The following AOPEP variants were observed in gnomAD, a reference collection of about 807,000 sequenced individuals.
The protein encoded by AOPEP is aminopeptidase O.
A neutral mutation model predicts 98.1 loss-of-function variants in AOPEP; 77 were observed. That is an observed-to-expected ratio of 0.78 (90% CI 0.65 to 0.95). The LOEUF (loss-of-function observed/expected upper bound fraction) is 0.95. Ranked by LOEUF, AOPEP falls within the 40% of genes least tolerant of loss-of-function variation. The pLI is 0.00. For missense variants in AOPEP, 1,024 were observed against 1,024.7 expected (o/e 1.00, Z 0.01); for synonymous variants, 346 against 365.3 (o/e 0.95, Z 0.60).
intron 7 of AOPEP, among the ~76,000 whole-genome samples, chr9:94,951,723 C>T (rs1727366475): frequency 6.6e-6 from 1 of 152,210 alleles, no homozygotes; most frequent in Non-Finnish European, 1.5e-5. Flanking sequence ...CCAGGCTGGC[C>T]AGGAGCAGCA....
intron 13 of AOPEP, among the ~76,000 whole-genome samples, chr9:95,040,472 C>T (rs1162568184): frequency 6.6e-6 from 1 of 152,224 alleles, no homozygotes; most frequent in East Asian, 1.9e-4. Flanking sequence ...CGTGGTAACC[C>T]CCTTTTTCTG....
chr9:95,116,483 A>C, the AOPEP span, among the ~76,000 whole-genome samples: 1 of 152,178 alleles, frequency 6.6e-6, no homozygotes, highest in African/African-American at 2.4e-5. Flanking sequence ...TCTCAAACAG[A>C]TCTACTCACT....
At chr9:95,003,742 G>A (rs1762549322) in intron 11 of AOPEP, among the ~76,000 whole-genome samples, 2 of 152,192 alleles carry the variant, frequency 1.3e-5, no homozygotes, top group African/African-American at 2.4e-5. Context: ...TCTAGCAAAT[G>A]AGCACACATT....
At chr9:94,759,349 T>C (rs1837752864) in intron 1 of AOPEP, among the ~76,000 whole-genome samples, 1 of 152,260 alleles carries the variant, frequency 6.6e-6, no homozygotes, top group South Asian at 2.1e-4. Context: ...ACAGTGATGC[T>C]GGGTTACACT....
chr9:94,900,707 A>G (rs2050279211), intron 5 of AOPEP: 1 of 152,208 alleles, frequency 6.6e-6, no homozygotes, highest in African/African-American at 2.4e-5. Flanking sequence ...GCATGTCTGT[A>G]TCTTAGTCAA....
In AOPEP at chr9:95,051,301, G is replaced by C. The variant is rs534624930; in HGVS notation, c.2116-9393G>C. ...GATGGCGTTTCACCATGTTGGCCAG[G>C]ATGGTCTCGATCTCTTGACCTTGTG... On this transcript the variant is annotated intron_variant, in intron 13 of 16. Coordinates refer to ENST00000375315, the MANE Select transcript of AOPEP (RefSeq NM_001193329.3). Among the ~76,000 whole-genome samples, 3 of 152,004 alleles carry C rather than the reference G, an allele frequency of 2.0e-5. No individual in the cohort carries two copies. In the South Asian group the frequency reaches 6.2e-4, roughly 32 times the overall value.
intron 13 of AOPEP, among the ~76,000 whole-genome samples, chr9:95,041,157 T>C (rs1346143428): frequency 6.6e-6 from 1 of 152,172 alleles, no homozygotes; most frequent in African/African-American, 2.4e-5. Context: ...AGACATTTTG[T>C]CAGGCTTCTC....
intron 5 of AOPEP, among the ~76,000 whole-genome samples, chr9:94,863,438 G>A (rs7875498): frequency 0.015 from 2,297 of 151,992 alleles, 54 homozygotes; most frequent in African/African-American, 0.053. Context: ...CCACCACCAC[G>A]CCTGGCTAAT....
the AOPEP span, among the ~76,000 whole-genome samples, chr9:95,122,747 G>A: frequency 6.6e-6 from 1 of 152,206 alleles, no homozygotes; most frequent in Non-Finnish European, 1.5e-5. Context: ...GCACTCCTCC[G>A]TGGCCTCTGC....
At chr9:95,065,390 A>G (rs1012837271) in intron 14 of AOPEP, 6 of 152,384 alleles carry the variant, frequency 3.9e-5, no homozygotes, top group African/African-American at 1.2e-4. Context: ...CCCGTAGGAC[A>G]CCGAGGCTTA....
chr9:94,800,469 C>A (rs904565694), intron 4 of AOPEP, among the ~76,000 whole-genome samples: 1 of 152,174 alleles, frequency 6.6e-6, no homozygotes, highest in African/African-American at 2.4e-5. Context: ...TGTTTGGAGT[C>A]TTTAGAGGTC....
At chr9:94,910,078 C>T (rs1401972584) in intron 5 of AOPEP, among the ~76,000 whole-genome samples, 1 of 152,190 alleles carries the variant, frequency 6.6e-6, no homozygotes, top group Non-Finnish European at 1.5e-5. Flanking sequence ...GCTATGCAGG[C>T]GTTTGAATCG....
chr9:95,149,996 T>C, the AOPEP span: 5 of 1,613,874 alleles, frequency 3.1e-6, no homozygotes, highest in Non-Finnish European at 3.4e-6. Context: ...CCATGACAGA[T>C]GAGGAGAGCC....
At chr9:95,136,865 AC>A in the AOPEP span, among the ~76,000 whole-genome samples, 38 of 152,280 alleles carry the variant, frequency 2.5e-4, no homozygotes, top group African/African-American at 8.7e-4. Context: ...TTGGGGCTCC[AC>A]TTCCCCTCCC....
chr9:95,120,962 CA>C, the AOPEP span, among the ~76,000 whole-genome samples: 12 of 152,158 alleles, frequency 7.9e-5, no homozygotes, highest in South Asian at 2.1e-4. Flanking sequence ...CTCCTGGCCC[CA>C]CACTGCCTGC....
At chr9:94,912,769 TG>T (rs2052257303) in intron 5 of AOPEP, among the ~76,000 whole-genome samples, 1 of 152,120 alleles carries the variant, frequency 6.6e-6, no homozygotes, top group Admixed American at 6.5e-5. Flanking sequence ...AACACGAACA[TG>T]GTGCATGAAG....
intron 11 of AOPEP, among the ~76,000 whole-genome samples, chr9:94,991,278 G>A (rs1029550166): frequency 6.6e-6 from 1 of 152,192 alleles, no homozygotes; most frequent in Admixed American, 6.5e-5. Flanking sequence ...TACCAAATAG[G>A]TATACATTTA....
chr9:94,849,903 C>T (rs1320943269), intron 5 of AOPEP, among the ~76,000 whole-genome samples: 2 of 152,034 alleles, frequency 1.3e-5, no homozygotes, highest in Admixed American at 6.6e-5. Flanking sequence ...GGCGTGGTGG[C>T]GTGAGCCTGT....
intron 5 of AOPEP, among the ~76,000 whole-genome samples, chr9:94,907,147 C>T (rs189610636): frequency 2.0e-5 from 3 of 152,280 alleles, no homozygotes; most frequent in Admixed American, 2.0e-4. Context: ...ATATGAAGGG[C>T]CCCTAGAAAT....
Sources: allele counts gnomAD v4.1 joint callset (sites outside exome capture counted in the v4.1 genomes callset), GRCh38; gene constraint gnomAD v4.1.1; transcripts MANE v1.5; gene names NCBI Gene and HGNC (gene_info 2026-07-23, HGNC 2026-07-21).